Variants in GPR89A observed in about 807,000 individuals in gnomAD.
The protein encoded by GPR89A is golgi pH regulator A.
GPR89A carries 16 observed loss-of-function variants against 52.0 expected under a neutral mutation model. That is an observed-to-expected ratio of 0.31 (90% confidence interval 0.21 to 0.47). The LOEUF (loss-of-function observed/expected upper bound fraction) is 0.47. Among genes scored for constraint, GPR89A ranks in the 20% least tolerant of loss-of-function variants. GPR89A has a pLI of 1.00. For missense variants in GPR89A, 135 were observed against 449.4 expected, an observed-to-expected ratio of 0.30 and a Z score of 6.33; for synonymous variants, 55 against 150.9, an observed-to-expected ratio of 0.36 and a Z score of 4.66.
At chr1:145,632,757 A>G (rs587680871) in intron 7 of GPR89A, among the ~76,000 whole-genome samples, 2 of 152,250 alleles carry the variant, frequency 1.3e-5, no homozygotes, top group South Asian at 4.1e-4. Flanking sequence ...CTTTTGGGTA[A>G]ATACTAAGAA....
chr1:145,620,188 T>C (rs1553687891), intron 3 of GPR89A, among the ~76,000 whole-genome samples: 4 of 152,130 alleles, frequency 2.6e-5, no homozygotes, highest in African/African-American at 9.7e-5. Flanking sequence ...CTTTCTTCTG[T>C]AAAGGGCCAG....
intron 1 of GPR89A, among the ~76,000 whole-genome samples, chr1:145,613,395 C>T (rs1455709001): frequency 2.0e-5 from 3 of 152,002 alleles, no homozygotes; most frequent in African/African-American, 7.3e-5. Context: ...TCTGAATTCC[C>T]ATAACACATT....
intron 7 of GPR89A, among the ~76,000 whole-genome samples, chr1:145,639,137 CAAAT>C (rs1260097140): frequency 6.6e-6 from 1 of 151,450 alleles, no homozygotes; most frequent in East Asian, 1.9e-4. Context: ...TGAAAAAAAT[CAAAT>C]AAGATATAAA....
chr1:145,636,037 G>A (rs1650218324), intron 7 of GPR89A, among the ~76,000 whole-genome samples: 2 of 151,884 alleles, frequency 1.3e-5, no homozygotes, highest in South Asian at 4.2e-4. Flanking sequence ...ATAGTGCTAA[G>A]GAATTGACTC....
rs587760962 is a variant in GPR89A, at chr1:145,628,754, G to A, written c.416-1933G>A. On this transcript the variant is annotated intron_variant, in intron 5 of 13. Coordinates refer to ENST00000313835, the MANE Select transcript of GPR89A (RefSeq NM_001097612.2). ...AGTGAAAGTAATTTCATTCAATAAA[G>A]AAGAATGGGAAGAAAGCTGGATTGC... 7.9e-5 allele frequency among the ~76,000 whole-genome samples: 12 copies of A among 152,320 alleles called. 1 individual carries two copies. Among genetic ancestry groups the A allele is most frequent in the South Asian group, 6.2e-4 (3 of 4,820 alleles).
At chr1:145,656,893 A>G (rs1651842110) in intron 10 of GPR89A, among the ~76,000 whole-genome samples, 1 of 151,894 alleles carries the variant, frequency 6.6e-6, no homozygotes, top group South Asian at 2.1e-4. Context: ...ATTGTTAATC[A>G]TGAAAAGGTG....
At chr1:145,637,856 G>A (rs1382539159) in intron 7 of GPR89A, among the ~76,000 whole-genome samples, 4 of 151,976 alleles carry the variant, frequency 2.6e-5, no homozygotes, top group African/African-American at 9.7e-5. Context: ...CAGGAGAATT[G>A]AGATGACAGA....
chr1:145,615,968 T>C (rs1648658337), intron 1 of GPR89A, among the ~76,000 whole-genome samples: 1 of 151,506 alleles, frequency 6.6e-6, no homozygotes, highest in Admixed American at 6.6e-5. Context: ...ATAATGATTA[T>C]CATAAGATTA....
chr1:145,647,432 C>T (rs1397971521), intron 10 of GPR89A, among the ~76,000 whole-genome samples, 165 bp downstream of exon 10: 3 of 152,130 alleles, frequency 2.0e-5, no homozygotes, highest in Non-Finnish European at 4.4e-5. Context: ...TATCCTCTCT[C>T]CTTTTTAGAT....
At chr1:145,658,475 A>G (rs1651964935) in intron 10 of GPR89A, among the ~76,000 whole-genome samples, 1 of 151,160 alleles carries the variant, frequency 6.6e-6, no homozygotes, top group Non-Finnish European at 1.5e-5. Flanking sequence ...CACACACACA[A>G]AATTAATAGG....
At chr1:145,632,245 G>T (rs1378866063) in intron 7 of GPR89A, among the ~76,000 whole-genome samples, 1 of 151,816 alleles carries the variant, frequency 6.6e-6, no homozygotes, top group Non-Finnish European at 1.5e-5. Flanking sequence ...TTTTTTTGTG[G>T]TGAAAACATT....
intron 3 of GPR89A, among the ~76,000 whole-genome samples, chr1:145,621,487 A>G (rs1335143569): frequency 3.3e-5 from 5 of 151,788 alleles, no homozygotes; most frequent in African/African-American, 1.2e-4. Context: ...ACCTGTTACC[A>G]TTGTTGTTCA....
At chr1:145,666,984 T>C (rs1652607692) in intron 12 of GPR89A, among the ~76,000 whole-genome samples, 1 of 152,134 alleles carries the variant, frequency 6.6e-6, no homozygotes, top group Non-Finnish European at 1.5e-5. Flanking sequence ...TCCAAGTCTT[T>C]GCTATTGTGA....
chr1:145,669,872 G>A lies in GPR89A; in HGVS notation c.1200G>A (p.Met400Ile). 1 of 1,408,764 alleles carries A rather than the reference G, an allele frequency of 7.1e-7. No homozygotes were observed. Among genetic ancestry groups the A allele is most frequent in the Non-Finnish European group, 9.9e-7 (1 of 1,005,596 alleles). The allele number at this position is 1,408,764 out of a possible 1,614,324, so 87.3% of individuals were successfully genotyped here. ...TCTCCTCTGTGCTGCTGATCCGAAT[G>A]AGTATGCCTTTAGAATACCGCACCA... is the stretch of plus-strand genomic sequence containing the variant. ...YFVSSVLLIR[M>I]SMPLEYRTII... The change falls in exon 14 of 14, where the codon ATG (methionine) becomes ATA (isoleucine). Residue 400 changes from methionine to isoleucine, a missense_variant. By Grantham distance (10) the Met-to-Ile change is conservative. This residue lies in a region of GPR89A where 22 missense variants were observed against 48.4 expected (regional missense o/e 0.45). Transcript: ENST00000313835.
chr1:145,655,578 C>T (rs71665920), intron 10 of GPR89A, among the ~76,000 whole-genome samples: 4 of 151,978 alleles, frequency 2.6e-5, no homozygotes, highest in South Asian at 2.1e-4. Flanking sequence ...CATTTGTTGG[C>T]GGTCGAATCC....
intron 12 of GPR89A, among the ~76,000 whole-genome samples, chr1:145,666,745 T>G (rs1485678811): frequency 7.3e-6 from 1 of 136,700 alleles, no homozygotes; most frequent in African/African-American, 2.7e-5. Flanking sequence ...GATGTTCCCC[T>G]TCCTGTGTCC....
intron 7 of GPR89A, among the ~76,000 whole-genome samples, chr1:145,635,204 A>G (rs1553690529): frequency 6.6e-6 from 1 of 152,190 alleles, no homozygotes; most frequent in Non-Finnish European, 1.5e-5. Context: ...CAGGAGATCA[A>G]GACCATCCTG....
intron 12 of GPR89A, among the ~76,000 whole-genome samples, chr1:145,669,012 G>A (rs1455304181): frequency 2.6e-5 from 4 of 151,716 alleles, no homozygotes; most frequent in Admixed American, 1.3e-4. Context: ...GTTCATCAGG[G>A]TCTAAAATTC....
intron 7 of GPR89A, among the ~76,000 whole-genome samples, chr1:145,632,296 ATTAT>A (rs1553690013): frequency 1.3e-5 from 2 of 152,014 alleles, no homozygotes; most frequent in Admixed American, 6.6e-5. Context: ...GCAATACATT[ATTAT>A]TTATTATATT....
Sources: allele counts gnomAD v4.1 joint callset (sites outside exome capture counted in the v4.1 genomes callset), GRCh38; gene constraint gnomAD v4.1.1; regional missense constraint gnomAD v4.1.1; transcripts MANE v1.5; gene names NCBI Gene and HGNC (gene_info 2026-07-23, HGNC 2026-07-21).